The following CENPV variants were observed in gnomAD, a reference collection of about 807,000 sequenced individuals.
CENPV encodes nuclear protein p30.
Under a neutral mutation model 26.4 loss-of-function variants are expected in CENPV, and 15 were observed. The observed-to-expected ratio is 0.57, with a 90% CI of 0.38 to 0.88. CENPV has a LOEUF of 0.88. CENPV is among the 40% of genes least tolerant of loss of function. The pLI, the probability that CENPV is intolerant of heterozygous loss-of-function variation, is 0.00. For missense variants in CENPV, 336 were observed against 376.5 expected, an observed-to-expected ratio of 0.89 and a Z score of 0.89; for synonymous variants, 172 against 165.5, an observed-to-expected ratio of 1.04 and a Z score of -0.30.
intron 1 of CENPV, among the ~76,000 whole-genome samples, chr17:16,352,146 ATTGT>A (rs1187041690): frequency 1.3e-5 from 2 of 152,062 alleles, no homozygotes; most frequent in Admixed American, 1.3e-4. Flanking sequence ...TAGTGTTTTG[ATTGT>A]TCTTTTTAAT....
intron 2 of CENPV, chr17:16,349,673 G>C: frequency 8.0e-7 from 1 of 1,244,038 alleles, no homozygotes; most frequent in Non-Finnish European, 1.0e-6. Context: ...TCAGTCTGAG[G>C]GTGATGCTGC....
intron 3 of CENPV, chr17:16,347,927 A>G (rs2093214194): frequency 6.6e-6 from 1 of 152,254 alleles, no homozygotes; most frequent in Non-Finnish European, 1.5e-5. Flanking sequence ...TTATCAACAA[A>G]AAGAATGGTA....
intron 2 of CENPV, chr17:16,349,258 T>C (rs534228102): frequency 3.3e-5 from 33 of 987,192 alleles, no homozygotes; most frequent in Non-Finnish European, 4.0e-5. Context: ...CTGGACTCTA[T>C]TGTTAGTAGC....
intron 1 of CENPV, 101 bp downstream of exon 1, chr17:16,352,926 C>G: frequency 2.9e-6 from 4 of 1,379,674 alleles, no homozygotes; most frequent in Non-Finnish European, 3.7e-6. Context: ...AGGCTCAGAG[C>G]TGAAAGGCGC....
At chr17:16,351,936 GTTT>G (rs1454257326) in intron 1 of CENPV, 1 of 152,090 alleles carries the variant, frequency 6.6e-6, no homozygotes, top group Non-Finnish European at 1.5e-5. Context: ...ATGGATGAAC[GTTT>G]TTTAAAAATT....
intron 3 of CENPV, among the ~76,000 whole-genome samples, chr17:16,346,787 G>A (rs902364631): frequency 6.6e-6 from 1 of 151,724 alleles, no homozygotes; most frequent in African/African-American, 2.4e-5. Flanking sequence ...AACGTACGTG[G>A]TATGCTACCA....
chr17:16,348,929 C>A (rs2093218792), intron 2 of CENPV: 3 of 1,282,826 alleles, frequency 2.3e-6, no homozygotes, highest in Non-Finnish European at 3.0e-6. Flanking sequence ...GACCAACAGA[C>A]AGGTCTGTAC....
At position 16,353,363 on chromosome 17, in the gene CENPV, G is replaced by A. The variant is rs560390150; in HGVS notation, c.74C>T (p.Ala25Val). The A allele has an allele frequency of 8.1e-7, 1 of 1,237,118 alleles. No homozygotes were observed. The highest frequency in any genetic ancestry group is 3.7e-5 in the East Asian group (1 of 27,118). 76.6% of individuals were successfully genotyped at this position (1,237,118 alleles called of 1,614,324 possible). Residue 25 changes from alanine to valine, a missense_variant, in exon 1 of 5, where the codon GCG becomes GTG. Ala to Val is a moderately conservative substitution (Grantham distance 64, BLOSUM62 0). This residue lies in a region of CENPV where 181 missense variants were observed against 148.8 expected (regional missense o/e 1.22). Coordinates refer to ENST00000299736, the MANE Select transcript of CENPV (RefSeq NM_181716.3). ...TGCCAAGGCAGCGGCCGCGGAGGCC[G>A]CGGGGGCCGCGGAGGCCCCGGACCG... ...QKRSGASAAP[A>V]ASAAAALAPS...
In CENPV at chr17:16,342,945, C is replaced by T. The variant is rs370608826; in HGVS notation, c.695-4G>A. 33 of 1,614,020 alleles carry T rather than the reference C, an allele frequency of 2.0e-5. No homozygotes were observed. Among genetic ancestry groups the T allele is most frequent in the South Asian group, 4.4e-5 (4 of 91,076 alleles). On this transcript the variant is annotated splice_polypyrimidine_tract_variant and splice_region_variant and intron_variant, in intron 4 of 4. Coordinates refer to ENST00000299736, the MANE Select transcript of CENPV (RefSeq NM_181716.3). ...TCCAGGCAGTGGGGGGCAATTCCTA[C>T]GAGAAAGTGGCACAGACAAAGGGGG...
intron 2 of CENPV, chr17:16,349,418 T>C: frequency 1.0e-6 from 1 of 986,128 alleles, no homozygotes; most frequent in Non-Finnish European, 1.2e-6. Flanking sequence ...TCGTCCCTGC[T>C]CCATCATAAC....
chr17:16,343,574 C>G (rs949032744), intron 4 of CENPV, among the ~76,000 whole-genome samples: 2 of 152,202 alleles, frequency 1.3e-5, no homozygotes, highest in African/African-American at 4.8e-5. Flanking sequence ...TCAGGTGAGC[C>G]ACCATGCCTG....
chr17:16,345,363 G>C (rs1192082008), intron 3 of CENPV, among the ~76,000 whole-genome samples: 1 of 149,352 alleles, frequency 6.7e-6, no homozygotes, highest in Non-Finnish European at 1.5e-5. Context: ...GAGCCCAGGA[G>C]TTCAAGACCA....
At chr17:16,344,765 A>AATTAATTT in intron 3 of CENPV, 54 bp from the exon 4 acceptor site, 2 of 955,644 alleles carry the variant, frequency 2.1e-6, no homozygotes, top group South Asian at 3.7e-5. Flanking sequence ...TTATTTATTT[A>AATTAATTT]ATTTATTTAT....
At chr17:16,347,379 C>T (rs1397008095) in intron 3 of CENPV, among the ~76,000 whole-genome samples, 3 of 152,058 alleles carry the variant, frequency 2.0e-5, no homozygotes, top group African/African-American at 7.2e-5. Context: ...AGAAAAGCAG[C>T]GAAGGACTGC....
At position 16,348,649 on chromosome 17, in the gene CENPV, G is replaced by A. The variant is rs773310097; in HGVS notation, c.546C>T (p.Phe182=). The A allele has an allele frequency of 1.9e-6, 3 of 1,614,090 alleles. No individual in the cohort carries two copies. The highest frequency in any genetic ancestry group is 2.5e-6 in the Non-Finnish European group (3 of 1,179,966). The change falls in exon 3 of 5, where the codon TTC becomes TTT. Residue 182 remains phenylalanine, a synonymous_variant. Transcript: ENST00000299736. ...GCTTGAAGCGAGAAGCTGGAACAAT[G>A]AAGTGTCTATTCTGCTTCTTCTTGC... ...SICKKKQNRH[F]IVPASRFKLL...
chr17:16,347,847 T>C (rs2093213820), intron 3 of CENPV, among the ~76,000 whole-genome samples: 1 of 152,076 alleles, frequency 6.6e-6, no homozygotes, highest in Non-Finnish European at 1.5e-5. Context: ...TACAAAAAAT[T>C]CCCCAAAATA....
At position 16,342,820 on chromosome 17, in the gene CENPV, C is replaced by T. The variant is rs1429127733; in HGVS notation, c.816G>A (p.Glu272=). 6.2e-7 allele frequency: 1 copy of T among 1,614,100 alleles called. No individual in the cohort carries two copies. Among genetic ancestry groups the T allele is most frequent in the South Asian group, 1.1e-5 (1 of 91,072 alleles). Residue 272 remains glutamate, a synonymous_variant, in exon 5 of 5, where the codon GAG becomes GAA. Transcript: ENST00000299736. ...TCAGGGCAGGAGAGGCAGAAGCTCACTCTTTAGACATGTTCTTGATGGTCT... is the reference window on the plus strand; with the variant it reads ...TCAGGGCAGGAGAGGCAGAAGCTCATTCTTTAGACATGTTCTTGATGGTCT... ...EHKTIKNMSK[E] is the part of the protein sequence containing the mutation.
At chr17:16,349,182 T>C in intron 2 of CENPV, 1 of 989,526 alleles carries the variant, frequency 1.0e-6, no homozygotes, top group South Asian at 4.6e-5. Context: ...TCAGGCCACC[T>C]TTGAAAAAGT....
intron 2 of CENPV, chr17:16,348,927 G>A (rs2093218777): frequency 1.5e-6 from 2 of 1,306,518 alleles, no homozygotes; most frequent in Non-Finnish European, 2.0e-6. Flanking sequence ...AGGACCAACA[G>A]ACAGGTCTGT....
Sources: allele counts gnomAD v4.1 joint callset (sites outside exome capture counted in the v4.1 genomes callset), GRCh38; gene constraint gnomAD v4.1.1; regional missense constraint gnomAD v4.1.1; transcripts MANE v1.5; gene names NCBI Gene and HGNC (gene_info 2026-07-23, HGNC 2026-07-21).